The following ARL15 variants were observed in gnomAD, a reference collection of about 807,000 sequenced individuals.
The protein encoded by ARL15 is ADP-ribosylation factor-like protein 15.
Under a neutral mutation model 25.2 loss-of-function variants are expected in ARL15, and 19 were observed. That is an observed-to-expected ratio of 0.75 (90% CI 0.53 to 1.10). ARL15 has a LOEUF of 1.10. Ranked by LOEUF, ARL15 falls within the 50% of genes least tolerant of loss-of-function variation. The probability of loss-of-function intolerance (pLI) is 0.00; values close to 1 mark genes in which losing one functional copy is unlikely to be tolerated. For synonymous variants in ARL15, 94 were observed against 86.8 expected, an observed-to-expected ratio of 1.08 and a Z score of -0.46; for missense variants, 220 against 246.0, an observed-to-expected ratio of 0.89 and a Z score of 0.71.
At chr5:54,126,896 A>C (rs1396466655) in intron 3 of ARL15, among the ~76,000 whole-genome samples, 1 of 151,788 alleles carries the variant, frequency 6.6e-6, no homozygotes, top group Admixed American at 6.6e-5. Context: ...CATGTGCACA[A>C]TGTGCAGGTT....
chr5:54,079,660 T>C (rs1751725007), intron 4 of ARL15, among the ~76,000 whole-genome samples: 1 of 151,932 alleles, frequency 6.6e-6, no homozygotes, highest in African/African-American at 2.4e-5. Context: ...AAATTCAAAA[T>C]AAAAACAAAT....
intron 2 of ARL15, among the ~76,000 whole-genome samples, chr5:54,171,223 A>C (rs1341275167): frequency 6.6e-6 from 1 of 152,084 alleles, no homozygotes; most frequent in Non-Finnish European, 1.5e-5. Flanking sequence ...ACCCCTCCCC[A>C]CAAATGACTC....
chr5:54,117,305 G>A (rs1270489633), intron 3 of ARL15, among the ~76,000 whole-genome samples: 2 of 151,390 alleles, frequency 1.3e-5, no homozygotes, highest in Non-Finnish European at 2.9e-5. Context: ...CTCTTTCAAT[G>A]AGAAACTATG....
At chr5:54,022,029 T>G (rs1749620159) in intron 4 of ARL15, among the ~76,000 whole-genome samples, 1 of 152,184 alleles carries the variant, frequency 6.6e-6, no homozygotes, top group African/African-American at 2.4e-5. Context: ...AGACAGAATC[T>G]GATTCTCAGT....
chr5:54,223,492 T>C (rs745851434), intron 1 of ARL15, among the ~76,000 whole-genome samples: 46 of 152,164 alleles, frequency 3.0e-4, no homozygotes, highest in Admixed American at 4.6e-4. Context: ...ATTTTAGAGA[T>C]AGAAAAGGGT....
intron 3 of ARL15, among the ~76,000 whole-genome samples, chr5:54,125,108 G>C (rs1753208347): frequency 7.1e-6 from 1 of 141,546 alleles, no homozygotes; most frequent in South Asian, 2.2e-4. Context: ...TTGAGACACA[G>C]TCTCACTCTG....
intron 3 of ARL15, among the ~76,000 whole-genome samples, chr5:54,136,220 T>C (rs975649845): frequency 1.3e-5 from 2 of 152,226 alleles, no homozygotes; most frequent in African/African-American, 4.8e-5. Context: ...TAAAAATGAC[T>C]ACTTAACTAA....
intron 4 of ARL15, among the ~76,000 whole-genome samples, chr5:53,977,246 A>C (rs1399765463): frequency 6.6e-6 from 1 of 151,148 alleles, no homozygotes; most frequent in African/African-American, 2.4e-5. Context: ...AGTCCCAGCT[A>C]CTCGGAGGCT....
intron 1 of ARL15, among the ~76,000 whole-genome samples, chr5:54,290,757 T>A (rs1323191868): frequency 6.6e-6 from 1 of 152,176 alleles, no homozygotes; most frequent in Non-Finnish European, 1.5e-5. Context: ...TTATCCAGAG[T>A]ATGAATTCAT....
chr5:54,263,116 T>G (rs1561287379), intron 1 of ARL15, among the ~76,000 whole-genome samples: 1 of 151,916 alleles, frequency 6.6e-6, no homozygotes. Flanking sequence ...AGAGTTTTTT[T>G]CTTTATGGCA....
At chr5:53,968,906 C>T (rs569627109) in intron 4 of ARL15, among the ~76,000 whole-genome samples, 115 of 151,774 alleles carry the variant, frequency 7.6e-4, no homozygotes, top group African/African-American at 2.7e-3. Flanking sequence ...CTGTAATCCT[C>T]GCACTCTGAG....
rs549385837 is a variant in ARL15 at position 53,886,381 on chromosome 5, G to A, written c.*180C>T. 65 of 639,242 alleles carry A rather than the reference G, an allele frequency of 1.0e-4. No homozygotes were observed. In the African/African-American group the frequency reaches 1.1e-3, roughly 11 times the overall value. The allele number at this position is 639,242 out of a possible 1,614,324, so 39.6% of individuals were successfully genotyped here. A position where few individuals can be genotyped will look rare whatever the true frequency, so the allele number is the denominator to read the frequency against. On this transcript the variant is annotated 3_prime_UTR_variant, in exon 5 of 5. Transcript: ENST00000504924. ...TCAGTAGTGTGTACTTGACGTTAAT[G>A]CCGATGATAATTCATCTGATCTACA...
chr5:54,150,964 G>C (rs923185925), intron 3 of ARL15, among the ~76,000 whole-genome samples: 12 of 152,114 alleles, frequency 7.9e-5, no homozygotes, highest in African/African-American at 2.9e-4. Context: ...CAGGCCCTGG[G>C]TAAAGTGCTG....
chr5:53,923,962 T>A (rs973046333), intron 4 of ARL15, among the ~76,000 whole-genome samples: 1 of 152,212 alleles, frequency 6.6e-6, no homozygotes, highest in African/African-American at 2.4e-5. Flanking sequence ...TAATTCAAGC[T>A]TAAGATCTGA....
chr5:53,951,921 T>C (rs577550876), intron 4 of ARL15, among the ~76,000 whole-genome samples: 42 of 150,486 alleles, frequency 2.8e-4, no homozygotes, highest in Non-Finnish European at 5.3e-4. Context: ...ACAAAACTAT[T>C]AGTACAAATG....
intron 1 of ARL15, among the ~76,000 whole-genome samples, chr5:54,230,346 GAAAA>G: frequency 1.1e-5 from 1 of 91,830 alleles, no homozygotes; most frequent in East Asian, 6.8e-4. Context: ...TTCCATCTCA[GAAAA>G]AAAAAAAAAA....
At chr5:53,950,923 G>T (rs906795078) in intron 4 of ARL15, among the ~76,000 whole-genome samples, 6 of 152,186 alleles carry the variant, frequency 3.9e-5, no homozygotes, top group African/African-American at 1.4e-4. Context: ...TGTTCCTGAC[G>T]ATGGCTGGAC....
chr5:54,104,621 A>G (rs1483015974), intron 4 of ARL15, among the ~76,000 whole-genome samples: 3 of 152,116 alleles, frequency 2.0e-5, no homozygotes, highest in Non-Finnish European at 2.9e-5. Context: ...CTAAGATTTC[A>G]TATTTTCTTC....
At chr5:54,204,563 T>C (rs577026663) in intron 1 of ARL15, among the ~76,000 whole-genome samples, 1 of 152,308 alleles carries the variant, frequency 6.6e-6, no homozygotes, top group African/African-American at 2.4e-5. Flanking sequence ...CTTCTTAAAA[T>C]CCAGACAAAT....
Sources: allele counts gnomAD v4.1 joint callset (sites outside exome capture counted in the v4.1 genomes callset), GRCh38; gene constraint gnomAD v4.1.1; transcripts MANE v1.5; gene names NCBI Gene and HGNC (gene_info 2026-07-23, HGNC 2026-07-21).